The following TMEM67 variants were observed in gnomAD, a reference collection of about 807,000 sequenced individuals.
The protein encoded by TMEM67 is transmembrane protein 67.
Under a neutral mutation model 136.6 loss-of-function variants are expected in TMEM67, and 124 were observed. The ratio of observed to expected loss-of-function variants is 0.91; its 90% CI spans 0.78 to 1.05. The LOEUF (loss-of-function observed/expected upper bound fraction) is 1.05. TMEM67 is among the 50% of genes least tolerant of loss of function. TMEM67 has a pLI of 0.00. For missense variants in TMEM67, 1,107 were observed against 1,178.4 expected (o/e 0.94, Z 0.89); for synonymous variants, 364 against 390.5 (o/e 0.93, Z 0.80).
At chr8:93,832,492 C>T in the TMEM67 span, among the ~76,000 whole-genome samples, 1 of 152,024 alleles carries the variant, frequency 6.6e-6, no homozygotes, top group Non-Finnish European at 1.5e-5. Context: ...CAAAAGACCC[C>T]TCTAGGTATT....
At chr8:93,787,977 G>A (rs1332956733) in intron 14 of TMEM67, 28 bp downstream of exon 14, 4 of 1,502,436 alleles carry the variant, frequency 2.7e-6, no homozygotes, top group Non-Finnish European at 3.7e-6. Flanking sequence ...TAGTGCCCTT[G>A]TATGTATAAA....
chr8:93,804,929 T>A lies in TMEM67; in HGVS notation c.2439+51T>A, dbSNP rs372511591. On this transcript the variant is annotated intron_variant, in intron 23 of 27. Coordinates refer to ENST00000453321, the MANE Select transcript of TMEM67 (RefSeq NM_153704.6). ...GTTTTTAAGTTGAGAAGTGGATTCT[T>A]ATAAATGCTGGATTTGTTTTAAAAA... is the stretch of plus-strand genomic sequence containing the variant. The A allele has an allele frequency of 6.8e-5, 70 of 1,034,542 alleles. No homozygotes were observed. The African/African-American group carries it at 1.1e-3, about 16-fold the overall frequency. The allele number at this position is 1,034,542 out of a possible 1,614,324, so 64.1% of individuals were successfully genotyped here. A position where few individuals can be genotyped will look rare whatever the true frequency, so the allele number is the denominator to read the frequency against.
intron 11 of TMEM67, among the ~76,000 whole-genome samples, chr8:93,784,462 T>G (rs1324109957): frequency 6.6e-6 from 1 of 152,248 alleles, no homozygotes; most frequent in Non-Finnish European, 1.5e-5. Context: ...GCATTTTTAT[T>G]TCTTTGAACC....
At chr8:93,764,547 C>A (rs1185784512) in intron 4 of TMEM67, among the ~76,000 whole-genome samples, 1 of 151,890 alleles carries the variant, frequency 6.6e-6, no homozygotes, top group African/African-American at 2.4e-5. Context: ...TATATACTTC[C>A]CTCTAATTTA....
chr8:93,801,994 A>T (rs1373195314), intron 21 of TMEM67, among the ~76,000 whole-genome samples: 1 of 152,222 alleles, frequency 6.6e-6, no homozygotes, highest in Non-Finnish European at 1.5e-5. Context: ...ATTCATCTGG[A>T]TGTAGAGAGT....
intron 17 of TMEM67, 25 bp from the exon 18 acceptor site, chr8:93,795,876 T>C: frequency 6.7e-7 from 1 of 1,484,918 alleles, no homozygotes; most frequent in Non-Finnish European, 9.4e-7. Flanking sequence ...TGTGATAATA[T>C]TTAATCAAGT....
intron 3 of TMEM67, chr8:93,758,895 A>G: frequency 4.6e-6 from 1 of 217,192 alleles, no homozygotes; most frequent in Non-Finnish European, 9.1e-6. Flanking sequence ...CACTGTGTCC[A>G]GCCCTTAATA....
At chr8:93,801,658 T>C (rs1479647041) in intron 21 of TMEM67, among the ~76,000 whole-genome samples, 1 of 152,146 alleles carries the variant, frequency 6.6e-6, no homozygotes, top group Non-Finnish European at 1.5e-5. Context: ...CATCTCAGCC[T>C]CCCAAAGTGC....
chr8:93,816,045 A>T (rs764868823), intron 27 of TMEM67, among the ~76,000 whole-genome samples: 1 of 152,234 alleles, frequency 6.6e-6, no homozygotes, highest in Non-Finnish European at 1.5e-5. Flanking sequence ...AAGAAATTCT[A>T]TCTCTAGTGA....
At position 93,809,877 on chromosome 8, in the gene TMEM67, CT is replaced by C. The variant is rs777993921; in HGVS notation, c.2758del (p.Tyr920ThrfsTer40). 5 of 1,595,390 alleles carry C rather than the reference CT, an allele frequency of 3.1e-6. No individual in the cohort carries two copies. The East Asian group carries it at 1.1e-4, about 36-fold the overall frequency. On this transcript the variant is annotated frameshift_variant, in exon 26 of 28. Coordinates refer to ENST00000453321, the MANE Select transcript of TMEM67 (RefSeq NM_153704.6). LOFTEE classifies it high-confidence loss of function. ...TCATGGAACCAATGGAAAAAAGCAT[CT>C]TTTACAATGGTATCTTCTAAATCCC... ...EFMEPMEKSIFYNDEGYSFSS... is the reference protein window; with the variant it reads ...EFMEPMEKSIXYNDEGYSFSS...
chr8:93,787,304 T>A (rs1586052874), intron 13 of TMEM67, among the ~76,000 whole-genome samples: 1 of 152,140 alleles, frequency 6.6e-6, no homozygotes, highest in Admixed American at 6.5e-5. Context: ...GACGGGGTCT[T>A]GCTATGTTGC....
Position 93,816,360 on chromosome 8 carries a change from T to C in TMEM67, c.2908-12T>C, listed in dbSNP as rs780091092. 2.9e-6 allele frequency: 4 copies of C among 1,380,380 alleles called. No individual in the cohort carries two copies. The highest frequency in any genetic ancestry group is 4.1e-6 in the Non-Finnish European group (4 of 981,968). 85.5% of individuals were successfully genotyped at this position (1,380,380 alleles called of 1,614,324 possible). On this transcript the variant is annotated splice_polypyrimidine_tract_variant and intron_variant, in intron 27 of 27. Coordinates refer to ENST00000453321, the MANE Select transcript of TMEM67 (RefSeq NM_153704.6). ...ATATTTCTTTTCATTCTGAATTGTT[T>C]TAATTTTCCAGATTTTTAGATATAT...
chr8:93,769,678 A>G (rs1262803453), intron 6 of TMEM67: 10 of 167,066 alleles, frequency 6.0e-5, no homozygotes. Context: ...TGCAAGAATA[A>G]GAACTCAGTT....
At position 93,803,295 on chromosome 8, in the gene TMEM67, A is replaced by G. The variant is rs185464957; in HGVS notation, c.2242-309A>G. ...CAAACATAAATCTGACCATCGATGC[A>G]TTGATATATCCTACATTTTTAAAAG... On this transcript the variant is annotated intron_variant, in intron 21 of 27. Transcript: ENST00000453321. 2.0e-5 allele frequency among the ~76,000 whole-genome samples: 3 copies of G among 152,316 alleles called. No individual in the cohort carries two copies. In the East Asian group the frequency reaches 5.8e-4, roughly 29 times the overall value.
chr8:93,764,487 GCATGTATTTGTGAAACACACA>G (rs1206199864), intron 4 of TMEM67, among the ~76,000 whole-genome samples: 1 of 107,608 alleles, frequency 9.3e-6, no homozygotes, highest in Non-Finnish European at 1.9e-5. Context: ...CCCCCTTTGT[GCATGTATTTGTGAAACACACA>G]CACACACACA....
chr8:93,803,621 CT>C lies in TMEM67; in HGVS notation c.2263del (p.Tyr755MetfsTer5). On this transcript the variant is annotated frameshift_variant, in exon 22 of 28. Coordinates refer to ENST00000453321, the MANE Select transcript of TMEM67 (RefSeq NM_153704.6). LOFTEE classifies it high-confidence loss of function. The part of the protein sequence containing the change: ...GIIQVVFFAV[F>X]YERFIEDKIR... ...TGTTTCAGGTCGTGTTCTTTGCTGT[CT>C]TTTATGAGAGATTTATAGAAGATAA... The C allele has an allele frequency of 6.2e-7, 1 of 1,601,156 alleles. No homozygotes were observed. The highest frequency in any genetic ancestry group is 8.6e-7 in the Non-Finnish European group (1 of 1,168,608).
chr8:93,763,136 GC>G (rs1812926329), intron 3 of TMEM67: 1 of 250,968 alleles, frequency 4.0e-6, no homozygotes. Flanking sequence ...TGCCATATTG[GC>G]CAGGCTGGTC....
At chr8:93,791,344 A>G in intron 15 of TMEM67, 25 bp downstream of exon 15, 1 of 1,469,566 alleles carries the variant, frequency 6.8e-7, no homozygotes, top group African/African-American at 1.4e-5. Flanking sequence ...ACCTTTTAAA[A>G]TATATACAGT....
intron 13 of TMEM67, among the ~76,000 whole-genome samples, chr8:93,786,611 A>G (rs1277395846): frequency 3.9e-5 from 6 of 152,196 alleles, no homozygotes; most frequent in African/African-American, 7.2e-5. Flanking sequence ...GCGAATAGCT[A>G]AGTAAATACC....
Sources: gnomAD v4.1 joint callset for allele counts (sites outside exome capture counted in the v4.1 genomes callset) on GRCh38, gnomAD v4.1.1 for gene constraint, MANE v1.5 for transcripts, NCBI Gene and HGNC (gene_info 2026-07-23, HGNC 2026-07-21) for gene names.